Variants in LRP1B observed in about 807,000 individuals in gnomAD.
The protein encoded by LRP1B is LDL receptor related protein 1B.
Under a neutral mutation model 556.6 loss-of-function variants are expected in LRP1B, and 217 were observed. The ratio of observed to expected loss-of-function variants is 0.39; its 90% CI spans 0.35 to 0.44. The LOEUF (loss-of-function observed/expected upper bound fraction) is 0.44, where lower values mean the gene tolerates loss of function less well. Among genes scored for constraint, LRP1B ranks in the 20% least tolerant of loss-of-function variants. LRP1B has a pLI of 1.00. For missense variants in LRP1B, 5,053 were observed against 5,620.8 expected (o/e 0.90, Z 3.23); for synonymous variants, 2,047 against 1,865.8 (o/e 1.10, Z -2.50).
At chr2:141,399,965 CT>C (rs1299484431) in intron 3 of LRP1B, among the ~76,000 whole-genome samples, 3 of 152,050 alleles carry the variant, frequency 2.0e-5, no homozygotes, top group Non-Finnish European at 4.4e-5. Context: ...TCTACATTAT[CT>C]TTTTTGTTGT....
intron 27 of LRP1B, among the ~76,000 whole-genome samples, chr2:140,858,501 GGAGAGA>G (rs35791983): frequency 0.023 from 3,233 of 139,922 alleles, 116 homozygotes; most frequent in African/African-American, 0.077. Context: ...TTATATATAT[GGAGAGA>G]GAGAGAGAGA....
chr2:141,608,986 C>G (rs1688015259), intron 2 of LRP1B, among the ~76,000 whole-genome samples: 1 of 152,132 alleles, frequency 6.6e-6, no homozygotes, highest in African/African-American at 2.4e-5. Context: ...AGTTGGATAG[C>G]ACTTCTTTAA....
chr2:140,603,585 T>G (rs1056104019), intron 41 of LRP1B, among the ~76,000 whole-genome samples: 25 of 152,144 alleles, frequency 1.6e-4, no homozygotes, highest in African/African-American at 6.0e-4. Context: ...TCTTCGTAAC[T>G]TTCTCTTGCC....
intron 6 of LRP1B, among the ~76,000 whole-genome samples, chr2:141,197,608 G>A (rs1681810626): frequency 6.6e-6 from 1 of 152,086 alleles, no homozygotes; most frequent in Admixed American, 6.6e-5. Context: ...AGGGCAAGGA[G>A]ATGTCTATTC....
intron 11 of LRP1B, among the ~76,000 whole-genome samples, chr2:141,032,828 T>TATATATATATATATATATATATATAC (rs1187215383): frequency 1.4e-5 from 2 of 147,602 alleles, no homozygotes; most frequent in African/African-American, 5.0e-5. Context: ...TATACATACA[T>TATATATATATATATATATATATATAC]ATATATATAT....
chr2:141,642,856 G>A (rs1689391771), intron 2 of LRP1B, among the ~76,000 whole-genome samples: 1 of 152,110 alleles, frequency 6.6e-6, no homozygotes, highest in Non-Finnish European at 1.5e-5. Flanking sequence ...TTTGTAGCGA[G>A]TCTTTTTTAC....
At chr2:140,826,264 A>C (rs569774125) in intron 31 of LRP1B, among the ~76,000 whole-genome samples, 1 of 152,308 alleles carries the variant, frequency 6.6e-6, no homozygotes, top group South Asian at 2.1e-4. Context: ...AGGGAAAAAA[A>C]TGATTCCCAC....
chr2:140,387,882 C>T (rs927080883), intron 66 of LRP1B, among the ~76,000 whole-genome samples: 3 of 151,644 alleles, frequency 2.0e-5, no homozygotes, highest in African/African-American at 7.3e-5. Flanking sequence ...AAATACTGTT[C>T]CATGTGTAAA....
Position 142,115,695 on chromosome 2 carries a change from AATATATATATAATATATATGTAAT to A in LRP1B, c.82+14929_82+14952del, listed in dbSNP as rs1559080278. 2.4e-4 allele frequency among the ~76,000 whole-genome samples: 5 copies of A among 21,052 alleles called. 2 individuals carry two copies. Among genetic ancestry groups the A allele is most frequent in the African/African-American group, 7.3e-4 (5 of 6,896 alleles). The allele number at this position is 21,052 out of a possible 152,430, so 13.8% of individuals were successfully genotyped here. ...TGTAATATATATATAATATATATGT[AATATATATATAATATATATGTAAT>A]ATATATATAATATATATGTAATATA... On this transcript the variant is annotated intron_variant, in intron 1 of 90. Coordinates refer to ENST00000389484, the MANE Select transcript of LRP1B (RefSeq NM_018557.3).
intron 43 of LRP1B, among the ~76,000 whole-genome samples, chr2:140,555,344 A>C (rs1680694671): frequency 6.6e-6 from 1 of 152,124 alleles, no homozygotes; most frequent in Admixed American, 6.6e-5. Context: ...TAACAAGGAA[A>C]GGCCAATTTA....
At chr2:140,524,273 T>C (rs1306964501) in intron 49 of LRP1B, among the ~76,000 whole-genome samples, 1 of 151,800 alleles carries the variant, frequency 6.6e-6, no homozygotes, top group Non-Finnish European at 1.5e-5. Flanking sequence ...AACCACGAGG[T>C]ACCATCTCAT....
chr2:140,756,479 AAT>A (rs908559596), intron 35 of LRP1B, among the ~76,000 whole-genome samples: 8 of 152,086 alleles, frequency 5.3e-5, no homozygotes, highest in Admixed American at 3.3e-4. Flanking sequence ...ATAAAAATAA[AAT>A]AGATATATAG....
intron 5 of LRP1B, among the ~76,000 whole-genome samples, chr2:141,238,168 G>C (rs895750402): frequency 4.6e-5 from 7 of 152,080 alleles, no homozygotes; most frequent in African/African-American, 1.7e-4. Context: ...TCCAGTGATG[G>C]TCAGTTTATA....
chr2:141,940,070 A>C (rs1700752151), intron 1 of LRP1B, among the ~76,000 whole-genome samples: 1 of 152,122 alleles, frequency 6.6e-6, no homozygotes, highest in South Asian at 2.1e-4. Context: ...ACTATAATGC[A>C]AATCTGACAG....
chr2:141,681,486 T>C lies in LRP1B; in HGVS notation c.205+128793A>G, dbSNP rs11898332. Among the ~76,000 whole-genome samples the C allele has an allele frequency of 5.5e-3, 797 of 145,248 alleles. 7 individuals carry two copies. Among genetic ancestry groups the C allele is most frequent in the African/African-American group, 0.019 (767 of 41,058 alleles). On this transcript the variant is annotated intron_variant, in intron 2 of 90. Coordinates refer to ENST00000389484, the MANE Select transcript of LRP1B (RefSeq NM_018557.3). Reference sequence around the variant, plus strand: ...ATTTTCATAATTCATCATTTTATCATTCAATAATTTATTTTTTTCCTGTTA... The same window carrying C: ...ATTTTCATAATTCATCATTTTATCACTCAATAATTTATTTTTTTCCTGTTA...
rs779475494 is a variant in LRP1B at position 140,702,504 on chromosome 2, G to A, written c.6073C>T (p.Arg2025Cys). Residue 2025 changes from arginine (R) to cysteine (C), a missense_variant, in exon 38 of 91, where the codon CGC (arginine) becomes TGC (cysteine). By Grantham distance (180) the Arg-to-Cys change is radical (BLOSUM62 -3). Transcript: ENST00000389484. ...ACAACCTTCTCTGAGCCATCCAAGCGAGCCTTTCCAATACAGGGCATTTGT... is the reference window on the plus strand; with the variant it reads ...ACAACCTTCTCTGAGCCATCCAAGCAAGCCTTTCCAATACAGGGCATTTGT... ...WGQMPCIGKA[R>C]LDGSEKVVLV... is the part of the protein sequence containing the mutation. 4.3e-6 allele frequency: 7 copies of A among 1,613,284 alleles called. No individual in the cohort carries two copies. The highest frequency in any genetic ancestry group is 1.7e-5 in the Admixed American group (1 of 59,852).
intron 10 of LRP1B, among the ~76,000 whole-genome samples, chr2:141,054,033 A>C (rs1699112720): frequency 6.6e-6 from 1 of 152,034 alleles, no homozygotes; most frequent in Non-Finnish European, 1.5e-5. Context: ...AAAATCAGGA[A>C]TACAAATAAA....
Position 140,855,493 on chromosome 2 carries a change from G to GGAAAAAAAAAA in LRP1B, c.4580-3711_4580-3710insTTTTTTTTTTC, listed in dbSNP as rs570169727. ...GACAGGTAGGTCCCATCTCTACTGG[G>GGAAAAAAAAAA]AAAAAAAAAAAATTTGAATGGCTTC... On this transcript the variant is annotated intron_variant, in intron 27 of 90. Coordinates refer to ENST00000389484, the MANE Select transcript of LRP1B (RefSeq NM_018557.3). 8.8e-4 allele frequency among the ~76,000 whole-genome samples: 87 copies of GGAAAAAAAAAA among 99,412 alleles called. 3 individuals are homozygous for GGAAAAAAAAAA. Among genetic ancestry groups the GGAAAAAAAAAA allele is most frequent in the African/African-American group, 2.7e-3 (72 of 26,470 alleles). The allele number at this position is 99,412 out of a possible 152,430, so 65.2% of individuals were successfully genotyped here.
chr2:140,504,803 A>G (rs951414417), intron 53 of LRP1B, among the ~76,000 whole-genome samples: 7 of 152,154 alleles, frequency 4.6e-5, no homozygotes, highest in African/African-American at 1.4e-4. Context: ...AACCTCGTTC[A>G]AAACCACGTC....
Sources: gnomAD v4.1 joint callset for allele counts (sites outside exome capture counted in the v4.1 genomes callset) on GRCh38, gnomAD v4.1.1 for gene constraint, MANE v1.5 for transcripts, NCBI Gene and HGNC (gene_info 2026-07-23, HGNC 2026-07-21) for gene names.